ZNF609: variants seen among roughly 807,000 people sequenced by gnomAD.
The protein encoded by ZNF609 is zinc finger protein 609.
ZNF609 carries 11 observed loss-of-function variants against 109.5 expected under a neutral mutation model. The observed-to-expected ratio is 0.10, with a 90% CI of 0.06 to 0.17. ZNF609 has a LOEUF of 0.17. Ranked by LOEUF, ZNF609 falls within the 10% of genes least tolerant of loss-of-function variation. ZNF609 has a pLI of 1.00. For synonymous variants in ZNF609, 646 were observed against 662.0 expected (o/e 0.98, Z 0.37); for missense variants, 1,559 against 1,772.4 (o/e 0.88, Z 2.16).
Position 64,609,128 on chromosome 15 carries a change from C to CT in ZNF609, c.748-13692dup, listed in dbSNP as rs72081834. 9.9e-5 allele frequency among the ~76,000 whole-genome samples: 10 copies of CT among 101,130 alleles called. No individual in the cohort carries two copies. In the South Asian group the frequency reaches 2.6e-3, roughly 26 times the overall value. 66.3% of individuals were successfully genotyped at this position (101,130 alleles called of 152,430 possible). On this transcript the variant is annotated intron_variant, in intron 2 of 9. Coordinates refer to ENST00000326648, the MANE Select transcript of ZNF609 (RefSeq NM_015042.2). The stretch of plus-strand genomic sequence containing the variant: ...TCTTTCTTTCTTTCTTTCTTTCTTT[C>CT]TTTTTTTCTTTCTTTTTTTTCTCTC...
chr15:64,550,242 G>C (rs1358120468), intron 2 of ZNF609, among the ~76,000 whole-genome samples: 2 of 152,092 alleles, frequency 1.3e-5, no homozygotes, highest in African/African-American at 4.8e-5. Flanking sequence ...GGCATGAGCT[G>C]CTGTGCCCAG....
chr15:64,524,060 C>G (rs905536398), intron 2 of ZNF609, among the ~76,000 whole-genome samples: 22 of 146,566 alleles, frequency 1.5e-4, no homozygotes, highest in African/African-American at 5.3e-4. Context: ...AGAAATAATT[C>G]ATGTTTTCTT....
intron 3 of ZNF609, chr15:64,631,774 C>T (rs190941469): frequency 4.6e-5 from 9 of 195,146 alleles, no homozygotes; most frequent in African/African-American, 2.2e-4. Flanking sequence ...AAATTCCTGA[C>T]TTCAGGTGAT....
At chr15:64,465,184 G>A (rs1392055319) in intron 1 of ZNF609, among the ~76,000 whole-genome samples, 2 of 152,162 alleles carry the variant, frequency 1.3e-5, no homozygotes, top group Non-Finnish European at 2.9e-5. Context: ...CTTGCTTTCA[G>A]TATGGTGAAA....
intron 2 of ZNF609, among the ~76,000 whole-genome samples, chr15:64,567,585 G>A (rs1183553182): frequency 6.6e-6 from 1 of 152,058 alleles, no homozygotes; most frequent in Non-Finnish European, 1.5e-5. Flanking sequence ...AAATTACCAA[G>A]ACAGCTTTCC....
At chr15:64,618,530 G>A (rs1895833739) in intron 2 of ZNF609, among the ~76,000 whole-genome samples, 1 of 152,180 alleles carries the variant, frequency 6.6e-6, no homozygotes, top group African/African-American at 2.4e-5. Flanking sequence ...TTGTCTTGGT[G>A]TACTGGAAGA....
chr15:64,476,183 G>A (rs1893166858), intron 1 of ZNF609, among the ~76,000 whole-genome samples: 1 of 152,014 alleles, frequency 6.6e-6, no homozygotes, highest in African/African-American at 2.4e-5. Flanking sequence ...CCATCTGGGT[G>A]TGGTTGACTT....
At chr15:64,538,145 AT>A (rs1206111294) in intron 2 of ZNF609, among the ~76,000 whole-genome samples, 1 of 151,962 alleles carries the variant, frequency 6.6e-6, no homozygotes, top group Admixed American at 6.6e-5. Flanking sequence ...ATATCCTAGG[AT>A]GTTCTAGTTA....
chr15:64,553,889 C>T (rs889135168), intron 2 of ZNF609, among the ~76,000 whole-genome samples: 3 of 152,296 alleles, frequency 2.0e-5, no homozygotes, highest in East Asian at 1.9e-4. Context: ...TGAGCCACCA[C>T]GCCTGGCCTA....
chr15:64,538,441 C>T (rs1281151859), intron 2 of ZNF609, among the ~76,000 whole-genome samples: 1 of 152,220 alleles, frequency 6.6e-6, no homozygotes, highest in Non-Finnish European at 1.5e-5. Flanking sequence ...AAATTTGGCT[C>T]ATCATAGAAT....
intron 3 of ZNF609, among the ~76,000 whole-genome samples, chr15:64,627,399 A>G (rs966519755): frequency 1.3e-5 from 2 of 152,148 alleles, no homozygotes; most frequent in Non-Finnish European, 2.9e-5. Flanking sequence ...GAGATGCTAT[A>G]GGTTCTCCTT....
intron 6 of ZNF609, 116 bp downstream of exon 6, chr15:64,678,598 C>T (rs1309348641): frequency 2.0e-5 from 28 of 1,431,910 alleles, no homozygotes; most frequent in South Asian, 5.8e-5. Flanking sequence ...GCTTAGATGA[C>T]GGACCTTTTT....
At chr15:64,516,155 ATTG>A (rs1352432188) in intron 2 of ZNF609, among the ~76,000 whole-genome samples, 1 of 152,064 alleles carries the variant, frequency 6.6e-6, no homozygotes, top group Non-Finnish European at 1.5e-5. Context: ...CAGATCTCTT[ATTG>A]TTCTTATTCC....
At chr15:64,598,508 A>G (rs1342978666) in intron 2 of ZNF609, among the ~76,000 whole-genome samples, 3 of 151,740 alleles carry the variant, frequency 2.0e-5, no homozygotes, top group Non-Finnish European at 4.4e-5. Context: ...ATTTTCTAAC[A>G]CTTCTCAAAC....
At chr15:64,596,090 C>T (rs574034045) in intron 2 of ZNF609, among the ~76,000 whole-genome samples, 1 of 152,238 alleles carries the variant, frequency 6.6e-6, no homozygotes, top group East Asian at 1.9e-4. Context: ...CTTGTTTTTC[C>T]ATGGTGTGTC....
At chr15:64,493,722 A>C (rs1488315600) in intron 1 of ZNF609, among the ~76,000 whole-genome samples, 2 of 152,202 alleles carry the variant, frequency 1.3e-5, no homozygotes. Flanking sequence ...AAACTTGTGC[A>C]AGTTGTTAAA....
chr15:64,501,308 T>TGGTA (rs1298523196), intron 2 of ZNF609: 1 of 152,300 alleles, frequency 6.6e-6, no homozygotes, highest in Admixed American at 6.5e-5. Context: ...TGTATTCCAG[T>TGGTA]GGTAGCTCAT....
intron 3 of ZNF609, among the ~76,000 whole-genome samples, chr15:64,650,574 G>C (rs1368001606): frequency 6.6e-6 from 1 of 152,154 alleles, no homozygotes; most frequent in African/African-American, 2.4e-5. Flanking sequence ...AGAAGGTATG[G>C]AAAATCTGTA....
chr15:64,617,099 C>A (rs1051916888), intron 2 of ZNF609, among the ~76,000 whole-genome samples: 1 of 151,746 alleles, frequency 6.6e-6, no homozygotes, highest in African/African-American at 2.4e-5. Context: ...TGAGCCACTG[C>A]GTCCGGCCTT....
Sources: gnomAD v4.1 joint callset for allele counts (sites outside exome capture counted in the v4.1 genomes callset) on GRCh38, gnomAD v4.1.1 for gene constraint, MANE v1.5 for transcripts, NCBI Gene and HGNC (gene_info 2026-07-23, HGNC 2026-07-21) for gene names.